UNC80: variants seen among roughly 807,000 people sequenced by gnomAD.
The protein encoded by UNC80 is unc-80 subunit of NALCN channel complex.
A neutral mutation model predicts 384.6 loss-of-function variants in UNC80; 164 were observed. The observed-to-expected ratio is 0.43, with a 90% confidence interval of 0.38 to 0.49. The LOEUF (loss-of-function observed/expected upper bound fraction) is 0.49. Among genes scored for constraint, UNC80 ranks in the 20% least tolerant of loss-of-function variants. UNC80 has a pLI of 0.00. For synonymous variants in UNC80, 1,486 were observed against 1,527.8 expected (o/e 0.97, Z 0.64); for missense variants, 3,330 against 4,143.0 (o/e 0.80, Z 5.39).
chr2:209,911,179 A>T (rs2088893377), intron 29 of UNC80, among the ~76,000 whole-genome samples: 1 of 139,750 alleles, frequency 7.2e-6, no homozygotes, highest in Non-Finnish European at 1.6e-5. Flanking sequence ...AATATAAATA[A>T]TAAAACAGAG....
intron 35 of UNC80, among the ~76,000 whole-genome samples, chr2:209,926,199 C>T (rs1207009811): frequency 6.6e-6 from 1 of 152,192 alleles, no homozygotes; most frequent in African/African-American, 2.4e-5. Flanking sequence ...CTCACATGCA[C>T]ACAACCAGTT....
intron 22 of UNC80, among the ~76,000 whole-genome samples, chr2:209,861,258 G>A (rs1049060238): frequency 3.3e-5 from 5 of 152,168 alleles, no homozygotes; most frequent in African/African-American, 1.2e-4. Flanking sequence ...TTAACATAAA[G>A]GGATGATGAA....
intron 7 of UNC80, among the ~76,000 whole-genome samples, chr2:209,807,186 T>C (rs1415299689): frequency 6.6e-6 from 1 of 152,188 alleles, no homozygotes; most frequent in East Asian, 1.9e-4. Context: ...AATAACTTTT[T>C]ATATATGTGC....
chr2:209,905,265 A>G (rs2088046533), intron 29 of UNC80, among the ~76,000 whole-genome samples: 1 of 152,352 alleles, frequency 6.6e-6, no homozygotes, highest in South Asian at 2.1e-4. Context: ...TCCCACAAAG[A>G]CATTCACATC....
chr2:209,809,149 G>A (rs1037825241), intron 7 of UNC80: 2 of 598,512 alleles, frequency 3.3e-6, no homozygotes, highest in Non-Finnish European at 6.0e-6. Context: ...TTCTTCCTTG[G>A]AGGCGGAGGC....
chr2:209,812,043 T>A (rs1461490512), intron 7 of UNC80, among the ~76,000 whole-genome samples: 1 of 152,142 alleles, frequency 6.6e-6, no homozygotes, highest in Non-Finnish European at 1.5e-5. Flanking sequence ...TTTTTGTTTT[T>A]GTTTTTGTTC....
chr2:209,897,083 T>C (rs1408562058), intron 28 of UNC80, among the ~76,000 whole-genome samples: 2 of 152,162 alleles, frequency 1.3e-5, no homozygotes, highest in Non-Finnish European at 2.9e-5. Flanking sequence ...TGGTGCATAA[T>C]GGTCCTCGGA....
chr2:209,849,576 C>T lies in UNC80; in HGVS notation c.3580C>T (p.Pro1194Ser). 1 of 1,550,762 alleles carries T rather than the reference C, an allele frequency of 6.4e-7. No individual in the cohort carries two copies. The highest frequency in any genetic ancestry group is 8.7e-7 in the Non-Finnish European group (1 of 1,146,492). Residue 1194 changes from proline to serine, a missense_variant, in exon 22 of 65, where the codon CCA becomes TCA. Physicochemically the swap from Pro to Ser is moderately conservative, Grantham distance 74 (BLOSUM62 -1). Around this residue, in one of 8 missense-constraint regions of UNC80, gnomAD observed 801 missense variants for 950.8 expected, o/e 0.84. Coordinates refer to ENST00000673920, the MANE Select transcript of UNC80 (RefSeq NM_001371986.1). ...RFQFLLNCCE[P>S]GTIPDASILA... Reference sequence around the variant, plus strand: ...CCAATTTCTGTTAAACTGCTGTGAGCCAGGGACAATTCCTGATGCCTCCAT... The same window carrying T: ...CCAATTTCTGTTAAACTGCTGTGAGTCAGGGACAATTCCTGATGCCTCCAT...
Position 209,849,745 on chromosome 2 carries a change from G to A in UNC80, c.3627+122G>A, listed in dbSNP as rs373891792. ...TTGTTTGTTTGCTTTTTCAGAATTAGTGATAAAAGGGGGAAGAAAGATGGT... is the reference window on the plus strand; with the variant it reads ...TTGTTTGTTTGCTTTTTCAGAATTAATGATAAAAGGGGGAAGAAAGATGGT... On this transcript the variant is annotated intron_variant, in intron 22 of 64. Coordinates refer to ENST00000673920, the MANE Select transcript of UNC80 (RefSeq NM_001371986.1). 4.7e-5 allele frequency: 49 copies of A among 1,052,016 alleles called. No individual in the cohort carries two copies. The African/African-American group carries it at 7.1e-4, about 15-fold the overall frequency. 65.2% of individuals were successfully genotyped at this position (1,052,016 alleles called of 1,614,324 possible).
intron 21 of UNC80, among the ~76,000 whole-genome samples, chr2:209,843,158 A>G (rs938220732): frequency 6.6e-6 from 1 of 152,104 alleles, no homozygotes; most frequent in African/African-American, 2.4e-5. Flanking sequence ...TTTATTATGT[A>G]TTTTAGTTAG....
In UNC80 at chr2:209,947,708, CT is replaced by C. The variant is rs1319240265; in HGVS notation, c.7286+1766del. On this transcript the variant is annotated intron_variant, in intron 47 of 64. Transcript: ENST00000673920. ...CTTCAACATTTGTAACAGCAAGTCT[CT>C]GTTGTACTTAATTTTTTTTAAAAGT... Among the ~76,000 whole-genome samples, 4 of 152,092 alleles carry C rather than the reference CT, an allele frequency of 2.6e-5. No homozygotes were observed. In the East Asian group the frequency reaches 7.7e-4, roughly 29 times the overall value.
At position 209,881,065 on chromosome 2, in the gene UNC80, C is replaced by T. The variant is rs2085244001; in HGVS notation, c.4081C>T (p.Leu1361=). The T allele has an allele frequency of 6.4e-7, 1 of 1,551,586 alleles. No individual in the cohort carries two copies. Among genetic ancestry groups the T allele is most frequent in the South Asian group, 1.2e-5 (1 of 84,064 alleles). ...CTTCCTGCGAGAGACCTTTTCTTGC[C>T]TGCCCAGACCTCGCACTGAGCCTCT... ...TTFLRETFSC[L]PRPRTEPLVD... is the part of the protein sequence containing the mutation. The change falls in exon 25 of 65, where the codon CTG becomes TTG. Residue 1361 remains leucine, a synonymous_variant. Transcript: ENST00000673920.
chr2:209,974,463 G>C (rs936555077), intron 56 of UNC80, among the ~76,000 whole-genome samples: 1 of 152,188 alleles, frequency 6.6e-6, no homozygotes, highest in Non-Finnish European at 1.5e-5. Context: ...GATATGAGAA[G>C]ACACTTGATG....
At position 209,964,069 on chromosome 2, in the gene UNC80, C is replaced by A. The variant is rs146014292; in HGVS notation, c.7806-3368C>A. 3.0e-4 allele frequency among the ~76,000 whole-genome samples: 46 copies of A among 152,284 alleles called. No individual in the cohort carries two copies. The East Asian group carries it at 8.7e-3, about 29-fold the overall frequency. On this transcript the variant is annotated intron_variant, in intron 51 of 64. Transcript: ENST00000673920. The stretch of plus-strand genomic sequence containing the variant: ...GGCTGTGATTCCTAAACCAGGATGC[C>A]TATCAAAATCAGCTGAGGAGCTCTT...
chr2:209,942,603 A>G (rs1481374034), intron 44 of UNC80, among the ~76,000 whole-genome samples: 1 of 152,232 alleles, frequency 6.6e-6, no homozygotes, highest in East Asian at 1.9e-4. Flanking sequence ...ATCACAACAC[A>G]TACAAAGTTA....
rs375684185 is a variant in UNC80, at chr2:209,773,058, T to C, written c.93-36T>C. 12 of 1,526,634 alleles carry C rather than the reference T, an allele frequency of 7.9e-6. No homozygotes were observed. The African/African-American group carries it at 1.5e-4, about 19-fold the overall frequency. 94.6% of individuals were successfully genotyped at this position (1,526,634 alleles called of 1,614,324 possible). On this transcript the variant is annotated intron_variant, in intron 1 of 64. Transcript: ENST00000673920. ...AGGATGCTTTAATAATAATTTTACTTATGTTTATTAACAAATATCTCTATT... is the reference window on the plus strand; with the variant it reads ...AGGATGCTTTAATAATAATTTTACTCATGTTTATTAACAAATATCTCTATT...
chr2:209,934,036 CT>C, intron 39 of UNC80, 31 bp downstream of exon 39: 1 of 1,491,750 alleles, frequency 6.7e-7, no homozygotes, highest in Non-Finnish European at 8.9e-7. Context: ...AGTAACATAA[CT>C]TTAAAAAAAA....
intron 9 of UNC80, among the ~76,000 whole-genome samples, chr2:209,816,699 C>T (rs976732855): frequency 1.1e-4 from 16 of 152,160 alleles, no homozygotes; most frequent in African/African-American, 3.6e-4. Context: ...AGGAGAAAGG[C>T]CCACGGAATA....
chr2:209,811,994 A>T (rs2079384894), intron 7 of UNC80, among the ~76,000 whole-genome samples: 1 of 152,192 alleles, frequency 6.6e-6, no homozygotes, highest in Non-Finnish European at 1.5e-5. Context: ...TAAGTGAGAC[A>T]AAAGTTTCAC....
Sources: allele counts gnomAD v4.1 joint callset (sites outside exome capture counted in the v4.1 genomes callset), GRCh38; gene constraint gnomAD v4.1.1; regional missense constraint gnomAD v4.1.1; transcripts MANE v1.5; gene names NCBI Gene and HGNC (gene_info 2026-07-23, HGNC 2026-07-21).